The following FAM53B variants were observed in gnomAD, a reference collection of about 807,000 sequenced individuals.
FAM53B encodes the protein protein FAM53B.
Under a neutral mutation model 32.7 loss-of-function variants are expected in FAM53B, and 12 were observed. The ratio of observed to expected loss-of-function variants is 0.37; its 90% CI spans 0.24 to 0.59. The LOEUF (loss-of-function observed/expected upper bound fraction) is 0.59, where lower values mean the gene tolerates loss of function less well. Ranked by LOEUF, FAM53B falls within the 20% of genes least tolerant of loss-of-function variation. The probability of loss-of-function intolerance (pLI) is 0.72; values close to 1 mark genes in which losing one functional copy is unlikely to be tolerated. For synonymous variants in FAM53B, 234 were observed against 228.7 expected, an observed-to-expected ratio of 1.02 and a Z score of -0.21; for missense variants, 477 against 577.7, an observed-to-expected ratio of 0.83 and a Z score of 1.79.
At chr10:124,695,863 AT>A (rs1949865673) in intron 3 of FAM53B, among the ~76,000 whole-genome samples, 1 of 152,206 alleles carries the variant, frequency 6.6e-6, no homozygotes, top group Admixed American at 6.5e-5. Context: ...GCTACGAGAG[AT>A]TTTTATTGCA....
At position 124,623,006 on chromosome 10, in the gene FAM53B, G is replaced by C; in HGVS notation, c.*236C>G. The C allele has an allele frequency of 1.8e-6, 1 of 542,516 alleles. No homozygotes were observed. The highest frequency in any genetic ancestry group is 3.2e-6 in the Non-Finnish European group (1 of 309,188). The allele number at this position is 542,516 out of a possible 1,614,324, so 33.6% of individuals were successfully genotyped here. ...TCCTCTGGGCTGCAGTAGTTCTGTG[G>C]ACCTGGTGGCTGCCACGCTCGGGGA... On this transcript the variant is annotated 3_prime_UTR_variant, in exon 5 of 5. Transcript: ENST00000337318.
chr10:124,730,985 A>G (rs554512902), intron 1 of FAM53B, among the ~76,000 whole-genome samples: 158 of 152,332 alleles, frequency 1.0e-3, no homozygotes, highest in South Asian at 7.9e-3. Flanking sequence ...GTGTCCCAAT[A>G]AAACTTTATT....
intron 4 of FAM53B, 76 bp downstream of exon 4, chr10:124,681,531 G>A (rs374760206): frequency 7.6e-7 from 1 of 1,323,214 alleles, no homozygotes. Flanking sequence ...GGCAATCTAT[G>A]CTTGTCTAGG....
intron 4 of FAM53B, among the ~76,000 whole-genome samples, chr10:124,639,617 T>G (rs1949457549): frequency 6.6e-6 from 1 of 152,176 alleles, no homozygotes; most frequent in Admixed American, 6.5e-5. Flanking sequence ...GGGTCTCTGT[T>G]CTTTTGACTT....
intron 3 of FAM53B, among the ~76,000 whole-genome samples, chr10:124,695,654 C>T (rs571986689): frequency 2.6e-5 from 4 of 152,204 alleles, no homozygotes; most frequent in Admixed American, 1.3e-4. Context: ...CCACCCAATG[C>T]GGTACTGTAG....
chr10:124,662,873 T>C (rs188243568), intron 4 of FAM53B, among the ~76,000 whole-genome samples: 67 of 152,308 alleles, frequency 4.4e-4, no homozygotes, highest in Middle Eastern at 3.4e-3. Context: ...GCTAGAGGTC[T>C]AGTTAAAGAA....
rs1346373220 is a variant in FAM53B at position 124,681,852 on chromosome 10, C to A, written c.661G>T (p.Gly221Cys). The A allele has an allele frequency of 4.3e-6, 7 of 1,612,920 alleles. No homozygotes were observed. In the South Asian group the frequency reaches 5.5e-5, roughly 13 times the overall value. Residue 221 changes from glycine (G) to cysteine (C), a missense_variant, in exon 4 of 5, where the codon GGC becomes TGC. This residue lies in a region of FAM53B where 312 missense variants were observed against 420.2 expected (regional missense o/e 0.74). Transcript: ENST00000337318. ...AGGGACCGCTGCAGGTCCAGCCGGC[C>A]TCCTCCCACGGGGTGCAGGTCAGGG... Reference protein sequence around the residue: ...WSPDLHPVGGGRLDLQRSLSC... With the variant: ...WSPDLHPVGGCRLDLQRSLSC...
chr10:124,742,981 G>A (rs1189051410), intron 1 of FAM53B: 1 of 152,220 alleles, frequency 6.6e-6, no homozygotes, highest in Non-Finnish European at 1.5e-5. Flanking sequence ...GTGTTAATGA[G>A]CCCGGGCGGT....
chr10:124,704,581 C>A (rs1949937772), intron 2 of FAM53B, among the ~76,000 whole-genome samples: 1 of 152,148 alleles, frequency 6.6e-6, no homozygotes, highest in Non-Finnish European at 1.5e-5. Flanking sequence ...GGAAAAAGTG[C>A]AAAGGCCTGA....
intron 1 of FAM53B, among the ~76,000 whole-genome samples, chr10:124,720,669 T>C (rs1000005709): frequency 6.6e-6 from 1 of 152,190 alleles, no homozygotes; most frequent in Non-Finnish European, 1.5e-5. Flanking sequence ...GGCAGGCAAC[T>C]GTACTCATTC....
chr10:124,689,508 A>C (rs1949821518), intron 3 of FAM53B, among the ~76,000 whole-genome samples: 1 of 152,172 alleles, frequency 6.6e-6, no homozygotes. Context: ...TGTGTCTTGG[A>C]TTCGGGGACA....
intron 1 of FAM53B, among the ~76,000 whole-genome samples, chr10:124,707,547 G>A (rs902988052): frequency 9.9e-5 from 15 of 152,212 alleles, no homozygotes; most frequent in Admixed American, 5.9e-4. Context: ...AGACCAGCCC[G>A]GTCAACATGG....
chr10:124,656,120 A>G (rs562680377), intron 4 of FAM53B, among the ~76,000 whole-genome samples: 16 of 152,368 alleles, frequency 1.1e-4, no homozygotes, highest in Middle Eastern at 3.4e-3. Flanking sequence ...AAACCTGAAC[A>G]TGGGTCCTTT....
intron 4 of FAM53B, among the ~76,000 whole-genome samples, chr10:124,677,721 T>G (rs939016706): frequency 1.3e-5 from 2 of 152,176 alleles, no homozygotes; most frequent in Admixed American, 1.3e-4. Context: ...AAGCAATATC[T>G]ACACCCCACC....
intron 4 of FAM53B, among the ~76,000 whole-genome samples, chr10:124,656,736 AAACT>A (rs1327631632): frequency 6.6e-6 from 1 of 152,206 alleles, no homozygotes; most frequent in African/African-American, 2.4e-5. Flanking sequence ...GCATTATTAC[AAACT>A]AAGGATACAA....
At chr10:124,743,935 G>T in intron 1 of FAM53B, 78 bp downstream of exon 1, 1 of 150,138 alleles carries the variant, frequency 6.7e-6, no homozygotes, top group South Asian at 2.0e-4. Flanking sequence ...GCCAGCGGCC[G>T]GGACGCACAC....
At chr10:124,716,902 C>G (rs548200641) in intron 1 of FAM53B, among the ~76,000 whole-genome samples, 1 of 152,056 alleles carries the variant, frequency 6.6e-6, no homozygotes, top group South Asian at 2.1e-4. Flanking sequence ...GGGACCGCAG[C>G]GGGCCCCAAA....
intron 4 of FAM53B, among the ~76,000 whole-genome samples, chr10:124,644,300 G>A (rs1267796963): frequency 1.3e-5 from 2 of 152,230 alleles, no homozygotes; most frequent in African/African-American, 4.8e-5. Context: ...CCCAGTGACA[G>A]CTAAGACCGC....
intron 3 of FAM53B, among the ~76,000 whole-genome samples, chr10:124,685,718 C>T (rs1279137019): frequency 2.0e-5 from 3 of 152,206 alleles, no homozygotes; most frequent in African/African-American, 4.8e-5. Flanking sequence ...AGGGAAATCA[C>T]TTCCAAAAGG....
Sources: allele counts gnomAD v4.1 joint callset (sites outside exome capture counted in the v4.1 genomes callset), GRCh38; gene constraint gnomAD v4.1.1; regional missense constraint gnomAD v4.1.1; transcripts MANE v1.5; gene names NCBI Gene and HGNC (gene_info 2026-07-23, HGNC 2026-07-21).